NPAS3: variants seen among roughly 807,000 people sequenced by gnomAD.
NPAS3 encodes neuronal PAS domain-containing protein 3.
In NPAS3, 14 loss-of-function variants were observed where a neutral mutation model predicts 73.1. That is an observed-to-expected ratio of 0.19 (90% CI 0.13 to 0.30). NPAS3 has a LOEUF of 0.30. NPAS3 is among the 10% of genes least tolerant of loss of function. The probability of loss-of-function intolerance (pLI) is 1.00; values close to 1 mark genes in which losing one functional copy is unlikely to be tolerated. For synonymous variants in NPAS3, 620 were observed against 541.5 expected (o/e 1.14, Z -2.01); for missense variants, 1,096 against 1,250.0 (o/e 0.88, Z 1.86).
At chr14:33,515,136 C>T (rs1595065602) in intron 4 of NPAS3, among the ~76,000 whole-genome samples, 4 of 152,186 alleles carry the variant, frequency 2.6e-5, no homozygotes, top group Admixed American at 2.6e-4. Flanking sequence ...CTGTAACATG[C>T]ATGTGTGTGC....
intron 2 of NPAS3, among the ~76,000 whole-genome samples, chr14:33,058,819 A>G (rs2040985058): frequency 6.6e-6 from 1 of 152,204 alleles, no homozygotes; most frequent in African/African-American, 2.4e-5. Flanking sequence ...AAAGAATGGA[A>G]GCCACTGTGA....
chr14:33,164,348 C>G (rs2045038633), intron 2 of NPAS3, among the ~76,000 whole-genome samples: 1 of 152,082 alleles, frequency 6.6e-6, no homozygotes, highest in Admixed American at 6.5e-5. Context: ...GAATTGAGAA[C>G]TTAAGTGTCT....
chr14:33,318,745 C>T (rs1398208371), intron 3 of NPAS3, among the ~76,000 whole-genome samples: 1 of 152,074 alleles, frequency 6.6e-6, no homozygotes, highest in Admixed American at 6.6e-5. Flanking sequence ...AAAATAATTA[C>T]ATCCTTAATA....
intron 3 of NPAS3, among the ~76,000 whole-genome samples, chr14:33,344,416 A>G (rs2044633337): frequency 1.3e-5 from 2 of 152,190 alleles, no homozygotes; most frequent in African/African-American, 4.8e-5. Context: ...TGTATATGCC[A>G]TAATCAGTGC....
chr14:33,263,795 G>C (rs1247676355), intron 3 of NPAS3, among the ~76,000 whole-genome samples: 3 of 151,936 alleles, frequency 2.0e-5, no homozygotes, highest in African/African-American at 7.3e-5. Flanking sequence ...CTTTTATTTT[G>C]TTGAGCAGTG....
At chr14:33,108,614 T>C (rs2042795531) in intron 2 of NPAS3, among the ~76,000 whole-genome samples, 1 of 152,182 alleles carries the variant, frequency 6.6e-6, no homozygotes, top group Admixed American at 6.5e-5. Flanking sequence ...AATATCAAAA[T>C]GTGTACAAAA....
intron 2 of NPAS3, among the ~76,000 whole-genome samples, chr14:33,078,129 A>G (rs1052117048): frequency 5.9e-5 from 9 of 152,076 alleles, no homozygotes; most frequent in Admixed American, 2.0e-4. Flanking sequence ...ACAGAGCAAG[A>G]CTGTTTCCAA....
At chr14:33,458,456 G>A (rs919417913) in intron 4 of NPAS3, among the ~76,000 whole-genome samples, 14 of 151,920 alleles carry the variant, frequency 9.2e-5, no homozygotes, top group African/African-American at 3.1e-4. Flanking sequence ...CACATGGGGC[G>A]AAAAAAGAAA....
At chr14:33,084,975 T>C (rs756745393) in intron 2 of NPAS3, among the ~76,000 whole-genome samples, 1 of 152,202 alleles carries the variant, frequency 6.6e-6, no homozygotes, top group Non-Finnish European at 1.5e-5. Context: ...GGGTGTTTCA[T>C]AGTAGCCAAA....
chr14:32,968,311 G>T (rs980905989), intron 1 of NPAS3, among the ~76,000 whole-genome samples: 1 of 152,086 alleles, frequency 6.6e-6, no homozygotes, highest in Non-Finnish European at 1.5e-5. Flanking sequence ...ATTAACTAAT[G>T]TGTGTATATA....
intron 4 of NPAS3, among the ~76,000 whole-genome samples, chr14:33,397,844 T>G (rs1469228152): frequency 6.6e-6 from 1 of 152,124 alleles, no homozygotes; most frequent in Non-Finnish European, 1.5e-5. Context: ...AGAAGGCACT[T>G]GATCGGATGC....
chr14:33,612,303 G>A lies in NPAS3; in HGVS notation c.558+52093G>A, dbSNP rs866315824. 43 of 426,876 alleles carry A rather than the reference G, an allele frequency of 1.0e-4. No homozygotes were observed. In the Middle Eastern group the frequency reaches 1.0e-3, roughly 10 times the overall value. 26.4% of individuals were successfully genotyped at this position (426,876 alleles called of 1,614,324 possible). On this transcript the variant is annotated intron_variant, in intron 5 of 11. Coordinates refer to ENST00000356141, the Ensembl canonical transcript of NPAS3. Reference sequence around the variant, plus strand: ...TCTCTCTCTTTCCATTCACATTTGCGCTCAAAGTGTTTCAACACATCCAGC... The same window carrying A: ...TCTCTCTCTTTCCATTCACATTTGCACTCAAAGTGTTTCAACACATCCAGC...
intron 6 of NPAS3, among the ~76,000 whole-genome samples, chr14:33,679,572 A>T (rs2059875258): frequency 6.6e-6 from 1 of 152,182 alleles, no homozygotes; most frequent in African/African-American, 2.4e-5. Flanking sequence ...AAACGGTGTA[A>T]TTTAGTTGGG....
Position 32,944,898 on chromosome 14 carries a change from C to CT in NPAS3, c.50+5534dup, listed in dbSNP as rs530359181. Among the ~76,000 whole-genome samples the CT allele has an allele frequency of 1.1e-3, 169 of 152,302 alleles. No individual in the cohort carries two copies. The East Asian group carries it at 0.014, about 13-fold the overall frequency. On this transcript the variant is annotated intron_variant, in intron 1 of 11. Coordinates refer to ENST00000356141, the Ensembl canonical transcript of NPAS3. ...AAATCAGGGGAAGCAAGATGAAGAT[C>CT]TTATGTTACTATGGCCCACAGTTCT...
At chr14:33,246,511 G>A (rs1477199814) in intron 3 of NPAS3, among the ~76,000 whole-genome samples, 1 of 137,092 alleles carries the variant, frequency 7.3e-6, no homozygotes, top group African/African-American at 2.7e-5. Context: ...CTGCACTCCA[G>A]CCTGGGCAAC....
At position 33,388,983 on chromosome 14, in the gene NPAS3, TCTCAC is replaced by T. The variant is rs376693521; in HGVS notation, c.468+21718_468+21722del. 9.1e-3 allele frequency among the ~76,000 whole-genome samples: 1,386 copies of T among 152,278 alleles called. 19 individuals carry two copies. The highest frequency in any genetic ancestry group is 0.031 in the African/African-American group (1,299 of 41,558). Reference sequence around the variant, plus strand: ...TATCGCTATTAACATGTTGTTCCCTTCTCACCTTTGTGGCGTGCACTACCTCTAGG... The same window carrying T: ...TATCGCTATTAACATGTTGTTCCCTTCTTTGTGGCGTGCACTACCTCTAGG... On this transcript the variant is annotated intron_variant, in intron 4 of 11. Transcript: ENST00000356141.
At chr14:33,291,138 C>A (rs745775039) in intron 3 of NPAS3, among the ~76,000 whole-genome samples, 1 of 151,904 alleles carries the variant, frequency 6.6e-6, no homozygotes, top group Admixed American at 6.6e-5. Context: ...CCCTATGGAG[C>A]CAGAGGGGAA....
chr14:33,019,199 T>G (rs913396615), intron 1 of NPAS3, among the ~76,000 whole-genome samples: 1 of 152,246 alleles, frequency 6.6e-6, no homozygotes, highest in Non-Finnish European at 1.5e-5. Context: ...CCCAAGCTGT[T>G]TAGCACAATG....
intron 2 of NPAS3, among the ~76,000 whole-genome samples, chr14:33,173,807 G>A (rs777566762): frequency 2.0e-5 from 3 of 152,268 alleles, no homozygotes; most frequent in South Asian, 2.1e-4. Flanking sequence ...ATATCATTCA[G>A]TAGTGTATGT....
Sources: gnomAD v4.1 joint callset for allele counts (sites outside exome capture counted in the v4.1 genomes callset) on GRCh38, gnomAD v4.1.1 for gene constraint, MANE v1.5 for transcripts, NCBI Gene and HGNC (gene_info 2026-07-23, HGNC 2026-07-21) for gene names.